Variants in ACTN1 observed in about 807,000 individuals in gnomAD.
ACTN1 encodes the protein alpha-actinin-1.
Under a neutral mutation model 119.6 loss-of-function variants are expected in ACTN1, and 30 were observed. The ratio of observed to expected loss-of-function variants is 0.25; its 90% CI spans 0.19 to 0.34. The LOEUF is 0.34. ACTN1 is among the 10% of genes least tolerant of loss of function. The pLI is 1.00. For synonymous variants in ACTN1, 429 were observed against 472.6 expected (o/e 0.91, Z 1.20); for missense variants, 764 against 1,223.4 (o/e 0.62, Z 5.60).
chr14:68,911,887 G>A (rs139623391), intron 4 of ACTN1, among the ~76,000 whole-genome samples: 25 of 152,352 alleles, frequency 1.6e-4, no homozygotes, highest in African/African-American at 4.6e-4. Context: ...AGCCAGGTGG[G>A]TTTTCCAATA....
At chr14:68,922,763 C>T (rs2034718155) in intron 2 of ACTN1, among the ~76,000 whole-genome samples, 1 of 152,224 alleles carries the variant, frequency 6.6e-6, no homozygotes, top group East Asian at 1.9e-4. Context: ...GGCTGTCCAG[C>T]CCCTTTCCCC....
At chr14:68,972,707 G>C (rs998146406) in intron 1 of ACTN1, among the ~76,000 whole-genome samples, 5 of 152,214 alleles carry the variant, frequency 3.3e-5, no homozygotes. Context: ...AGTTGAGAAG[G>C]AGTGCAAATG....
chr14:68,929,764 C>T (rs770333210), intron 1 of ACTN1, among the ~76,000 whole-genome samples: 3 of 152,148 alleles, frequency 2.0e-5, no homozygotes, highest in Non-Finnish European at 2.9e-5. Flanking sequence ...TCTGAGGACC[C>T]GGGACAGAGG....
Position 68,890,548 on chromosome 14 carries a change from C to T in ACTN1, c.1087-262G>A, listed in dbSNP as rs17106502. 0.12 allele frequency among the ~76,000 whole-genome samples: 17,871 copies of T among 152,166 alleles called. 1,423 individuals carry two copies. The highest frequency in any genetic ancestry group is 0.23 in the African/African-American group (9,518 of 41,466). On this transcript the variant is annotated intron_variant, in intron 10 of 21. Coordinates refer to ENST00000394419, the MANE Select transcript of ACTN1 (RefSeq NM_001130004.2). ...TCACCCAGCTATGGGACTTTGAGAA[C>T]AGAGCCCTGTGGGGAAAGGGCCCCA... is the stretch of plus-strand genomic sequence containing the variant.
At chr14:68,966,999 T>G (rs987547150) in intron 1 of ACTN1, among the ~76,000 whole-genome samples, 1 of 152,310 alleles carries the variant, frequency 6.6e-6, no homozygotes, top group African/African-American at 2.4e-5. Context: ...GGCTGGCTGG[T>G]AGGGAGCTGG....
intron 1 of ACTN1, among the ~76,000 whole-genome samples, chr14:68,974,679 G>A (rs970448462): frequency 8.5e-5 from 13 of 152,204 alleles, no homozygotes; most frequent in East Asian, 7.7e-4. Context: ...TATTGGCAGA[G>A]CCTGTTGCAA....
Position 68,954,183 on chromosome 14 carries a change from A to C in ACTN1, c.105+24769T>G, listed in dbSNP as rs115158734. ...TTATTCCTGTATAATCTTCCTAATTATCATTTTTAAAGGCTGCAAAAATAC... is the reference window on the plus strand; with the variant it reads ...TTATTCCTGTATAATCTTCCTAATTCTCATTTTTAAAGGCTGCAAAAATAC... On this transcript the variant is annotated intron_variant, in intron 1 of 21. Transcript: ENST00000394419. 3.3e-3 allele frequency among the ~76,000 whole-genome samples: 501 copies of C among 152,278 alleles called. 1 individual carries two copies. The highest frequency in any genetic ancestry group is 0.011 in the African/African-American group (457 of 41,558).
intron 7 of ACTN1, among the ~76,000 whole-genome samples, chr14:68,903,608 G>A (rs1435996231): frequency 6.6e-6 from 1 of 151,886 alleles, no homozygotes; most frequent in African/African-American, 2.4e-5. Context: ...GTCTTTTCCT[G>A]TCTCCATAAC....
chr14:68,918,612 T>C (rs891747197), intron 3 of ACTN1, among the ~76,000 whole-genome samples: 19 of 140,814 alleles, frequency 1.3e-4, no homozygotes, highest in Non-Finnish European at 2.0e-4. Flanking sequence ...TTTCAGATCT[T>C]AGGCCAGGCG....
At chr14:68,939,218 C>T (rs537143378) in intron 1 of ACTN1, among the ~76,000 whole-genome samples, 6 of 152,186 alleles carry the variant, frequency 3.9e-5, no homozygotes, top group Non-Finnish European at 7.3e-5. Flanking sequence ...ACACACGATC[C>T]TAGTGAAGAA....
intron 1 of ACTN1, among the ~76,000 whole-genome samples, chr14:68,966,063 T>A (rs2036697612): frequency 6.6e-6 from 1 of 151,538 alleles, no homozygotes; most frequent in South Asian, 2.1e-4. Context: ...ACAAAAAAAA[T>A]AAAATTATCT....
chr14:68,893,572 G>T (rs989970450), intron 9 of ACTN1, 83 bp downstream of exon 9: 1 of 1,303,412 alleles, frequency 7.7e-7, no homozygotes, highest in Non-Finnish European at 1.1e-6. Context: ...CTGAGACTAT[G>T]CTCCAAGGAA....
chr14:68,913,094 A>G (rs2140306574), intron 3 of ACTN1, among the ~76,000 whole-genome samples: 1 of 152,366 alleles, frequency 6.6e-6, no homozygotes, highest in Admixed American at 6.5e-5. Context: ...CTTCAAGATC[A>G]CAGCTAAGAG....
chr14:68,967,845 G>A lies in ACTN1; in HGVS notation c.105+11107C>T, dbSNP rs890801380. On this transcript the variant is annotated intron_variant, in intron 1 of 21. Coordinates refer to ENST00000394419, the MANE Select transcript of ACTN1 (RefSeq NM_001130004.2). ...TCTGGCCTCTTCCAAAACTCTACAT[G>A]CAGCCCAAGCCTCATATCCAGAGCA... Among the ~76,000 whole-genome samples, 3 of 152,222 alleles carry A rather than the reference G, an allele frequency of 2.0e-5. No homozygotes were observed. The East Asian group carries it at 5.8e-4, about 29-fold the overall frequency.
At chr14:68,900,004 G>A (rs1866277185) in intron 8 of ACTN1, among the ~76,000 whole-genome samples, 2 of 152,106 alleles carry the variant, frequency 1.3e-5, no homozygotes, top group African/African-American at 4.8e-5. Context: ...CAGAAGGAAG[G>A]CCAGAGGAGG....
rs1178266872 is a variant in ACTN1 at position 68,890,213 on chromosome 14, C to T, written c.1160G>A (p.Arg387Gln). 15 of 1,614,084 alleles carry T rather than the reference C, an allele frequency of 9.3e-6. No homozygotes were observed. Among genetic ancestry groups the T allele is most frequent in the East Asian group, 4.5e-5 (2 of 44,888 alleles). Reference sequence around the variant, plus strand: ...CAGGTGGTCCAGTCGCTCCAGCCTCCGGATCTCATTCAGCAACCACTCCTC... The same window carrying T: ...CAGGTGGTCCAGTCGCTCCAGCCTCTGGATCTCATTCAGCAACCACTCCTC... ...GYEEWLLNEI[R>Q]RLERLDHLAE... is the part of the protein sequence containing the mutation. The change falls in exon 11 of 22, where the codon CGG becomes CAG. Residue 387 changes from arginine (R) to glutamine (Q), a missense_variant. This residue lies in a region of ACTN1 where 544 missense variants were observed against 912.0 expected (regional missense o/e 0.60). Coordinates refer to ENST00000394419, the MANE Select transcript of ACTN1 (RefSeq NM_001130004.2).
chr14:68,913,059 G>GT (rs56114512), intron 3 of ACTN1, among the ~76,000 whole-genome samples: 7 of 152,264 alleles, frequency 4.6e-5, no homozygotes, highest in Admixed American at 2.0e-4. Flanking sequence ...TAAAACAGAT[G>GT]TTTTTTTAAA....
chr14:68,889,129 C>A (rs1029380488), intron 11 of ACTN1, among the ~76,000 whole-genome samples: 3 of 152,234 alleles, frequency 2.0e-5, no homozygotes, highest in Non-Finnish European at 4.4e-5. Context: ...CTGTTCCCCA[C>A]CTCCAGCCCT....
intron 3 of ACTN1, among the ~76,000 whole-genome samples, chr14:68,915,604 A>G (rs1240353340): frequency 2.6e-5 from 4 of 152,260 alleles, no homozygotes; most frequent in African/African-American, 4.8e-5. Context: ...GTGAACAAAC[A>G]CTAACCACAA....
Sources: allele counts gnomAD v4.1 joint callset (sites outside exome capture counted in the v4.1 genomes callset), GRCh38; gene constraint gnomAD v4.1.1; regional missense constraint gnomAD v4.1.1; transcripts MANE v1.5; gene names NCBI Gene and HGNC (gene_info 2026-07-23, HGNC 2026-07-21).